RBFOX1: variants seen among roughly 807,000 people sequenced by gnomAD.
RBFOX1 encodes the protein RNA binding fox-1 homolog 1, also known as RNA binding protein fox-1 homolog 1.
In RBFOX1, 8 loss-of-function variants were observed where a neutral mutation model predicts 57.7. The observed-to-expected ratio is 0.14, with a 90% CI of 0.08 to 0.25. The LOEUF (loss-of-function observed/expected upper bound fraction) is 0.25, where lower values mean the gene tolerates loss of function less well. Ranked by LOEUF, RBFOX1 falls within the 10% of genes least tolerant of loss-of-function variation. The pLI, the probability that RBFOX1 is intolerant of heterozygous loss-of-function variation, is 1.00. For synonymous variants in RBFOX1, 326 were observed against 222.4 expected (o/e 1.47, Z -4.15); for missense variants, 611 against 548.5 (o/e 1.11, Z -1.14).
chr16:6,441,117 T>C (rs2094370105), intron 2 of RBFOX1, among the ~76,000 whole-genome samples: 1 of 152,184 alleles, frequency 6.6e-6, no homozygotes, highest in African/African-American at 2.4e-5. Context: ...CCAGTGCCGT[T>C]GCTCTCATTG....
rs184326139 is a variant in RBFOX1, at chr16:5,334,416, C to G, written c.219+94311C>G. ...CTTGTTCAAGATGGCTATGTTCCTG[C>G]TCTGTCAGACTGTATGGAATTCTCT... On this transcript the variant is annotated intron_variant, in intron 1 of 2. Transcript: ENST00000585867. Among the ~76,000 whole-genome samples the G allele has an allele frequency of 3.6e-4, 55 of 152,210 alleles. 4 individuals are homozygous for G. The highest frequency in any genetic ancestry group is 1.7e-3 in the Admixed American group (26 of 15,290).
chr16:7,193,026 C>G (rs1409881115), intron 4 of RBFOX1, among the ~76,000 whole-genome samples: 1 of 152,188 alleles, frequency 6.6e-6, no homozygotes, highest in African/African-American at 2.4e-5. Context: ...TTACCTATGG[C>G]CATGTCTTAA....
intron 2 of RBFOX1, among the ~76,000 whole-genome samples, chr16:6,547,369 G>C (rs999711884): frequency 6.6e-6 from 1 of 152,126 alleles, no homozygotes; most frequent in Non-Finnish European, 1.5e-5. Flanking sequence ...TCTCCTTCCT[G>C]AGGATAATTA....
intron 4 of RBFOX1, among the ~76,000 whole-genome samples, chr16:7,253,305 C>T (rs918262220): frequency 2.0e-5 from 3 of 152,162 alleles, no homozygotes; most frequent in Non-Finnish European, 2.9e-5. Context: ...TTCAGAAATT[C>T]GTGTTGATGT....
chr16:7,429,992 C>G (rs2098663111), intron 4 of RBFOX1, among the ~76,000 whole-genome samples: 1 of 152,172 alleles, frequency 6.6e-6, no homozygotes. Flanking sequence ...TTGAGTTTCT[C>G]TTGGTCTAGG....
chr16:7,244,084 T>C (rs543078376), intron 4 of RBFOX1, among the ~76,000 whole-genome samples: 9 of 152,182 alleles, frequency 5.9e-5, no homozygotes, highest in African/African-American at 1.7e-4. Flanking sequence ...TAATAAAACT[T>C]TTATTTTCTG....
chr16:6,221,919 G>A (rs1364414204), intron 1 of RBFOX1, among the ~76,000 whole-genome samples: 1 of 152,174 alleles, frequency 6.6e-6, no homozygotes, highest in Non-Finnish European at 1.5e-5. Context: ...TGGGGACACA[G>A]CCAAACCGTA....
At chr16:7,545,378 C>G (rs578211615) in intron 5 of RBFOX1, among the ~76,000 whole-genome samples, 1 of 152,202 alleles carries the variant, frequency 6.6e-6, no homozygotes, top group Admixed American at 6.5e-5. Context: ...AGCCAGGCCT[C>G]TGCCTTTATA....
chr16:5,457,124 G>C (rs1158530077), intron 1 of RBFOX1, among the ~76,000 whole-genome samples: 1 of 152,030 alleles, frequency 6.6e-6, no homozygotes, highest in Admixed American at 6.6e-5. Context: ...TGGGGAGAGA[G>C]ATCATCTGTC....
chr16:7,103,526 T>G (rs904280337), intron 4 of RBFOX1, among the ~76,000 whole-genome samples: 2 of 152,132 alleles, frequency 1.3e-5, no homozygotes, highest in African/African-American at 4.8e-5. Context: ...TAAGAGATGA[T>G]CAGTGACAAA....
At chr16:7,192,141 GGGTAGGT>G (rs2085548320) in intron 4 of RBFOX1, among the ~76,000 whole-genome samples, 1 of 152,204 alleles carries the variant, frequency 6.6e-6, no homozygotes, top group Non-Finnish European at 1.5e-5. Context: ...TGGGGGAAGG[GGGTAGGT>G]AGTAGAAGGA....
At chr16:5,318,687 G>A (rs1304999217) in intron 1 of RBFOX1, among the ~76,000 whole-genome samples, 2 of 152,150 alleles carry the variant, frequency 1.3e-5, no homozygotes, top group African/African-American at 4.8e-5. Context: ...AAGATTCTCA[G>A]CCCTGATGTG....
At chr16:5,800,972 G>T (rs1227438125) in intron 3 of RBFOX1, among the ~76,000 whole-genome samples, 1 of 152,140 alleles carries the variant, frequency 6.6e-6, no homozygotes, top group Non-Finnish European at 1.5e-5. Flanking sequence ...GAGGCTCCAA[G>T]AGGCAGGCTT....
chr16:7,327,524 A>G (rs941087559), intron 4 of RBFOX1, among the ~76,000 whole-genome samples: 3 of 152,206 alleles, frequency 2.0e-5, no homozygotes, highest in African/African-American at 7.2e-5. Context: ...AAAGATAAGA[A>G]ATGTGATGAT....
At chr16:6,679,704 G>T (rs140032957) in intron 3 of RBFOX1, among the ~76,000 whole-genome samples, 1,734 of 152,182 alleles carry the variant, frequency 0.011, 24 homozygotes, top group East Asian at 0.037. Context: ...CACCATACAA[G>T]AGTACTTGAG....
At chr16:5,346,944 A>T (rs972974281) in intron 1 of RBFOX1, among the ~76,000 whole-genome samples, 4 of 152,114 alleles carry the variant, frequency 2.6e-5, no homozygotes, top group African/African-American at 9.7e-5. Context: ...AGTGCCCTGT[A>T]ATTGTTCACT....
intron 2 of RBFOX1, among the ~76,000 whole-genome samples, chr16:6,405,710 A>C (rs2093256035): frequency 6.6e-6 from 1 of 152,220 alleles, no homozygotes; most frequent in Non-Finnish European, 1.5e-5. Flanking sequence ...TATACATGAC[A>C]AACTGTAATT....
intron 4 of RBFOX1, among the ~76,000 whole-genome samples, chr16:7,374,930 C>G (rs887342656): frequency 2.6e-5 from 4 of 152,200 alleles, no homozygotes; most frequent in Non-Finnish European, 4.4e-5. Context: ...GACCTCTGCA[C>G]TTACAAATTT....
At chr16:7,446,300 G>C (rs1214718111) in intron 4 of RBFOX1, among the ~76,000 whole-genome samples, 4 of 152,172 alleles carry the variant, frequency 2.6e-5, no homozygotes, top group African/African-American at 9.7e-5. Flanking sequence ...TGTCACTTGA[G>C]TTTGTAATCT....
Sources: allele counts gnomAD v4.1 joint callset (sites outside exome capture counted in the v4.1 genomes callset), GRCh38; gene constraint gnomAD v4.1.1; transcripts MANE v1.5; gene names NCBI Gene and HGNC (gene_info 2026-07-23, HGNC 2026-07-21).